The following TOM1 variants were observed in gnomAD, a reference collection of about 807,000 sequenced individuals.
TOM1 encodes target of myb1 membrane trafficking protein.
Under a neutral mutation model 61.3 loss-of-function variants are expected in TOM1, and 38 were observed. That is an observed-to-expected ratio of 0.62 (90% CI 0.48 to 0.81). The LOEUF (loss-of-function observed/expected upper bound fraction) is 0.81, where lower values mean the gene tolerates loss of function less well. TOM1 is among the 40% of genes least tolerant of loss of function. The pLI is 0.00. For missense variants in TOM1, 591 were observed against 659.6 expected (o/e 0.90, Z 1.14); for synonymous variants, 270 against 268.8 (o/e 1.00, Z -0.04).
At chr22:35,315,170 C>T (rs1325862328) in intron 1 of TOM1, among the ~76,000 whole-genome samples, 4 of 151,858 alleles carry the variant, frequency 2.6e-5, no homozygotes, top group Non-Finnish European at 5.9e-5. Flanking sequence ...GGTAGTCTAG[C>T]GGGAGGATGG....
At chr22:35,340,247 G>A (rs1929764355) in intron 12 of TOM1, among the ~76,000 whole-genome samples, 2 of 152,194 alleles carry the variant, frequency 1.3e-5, no homozygotes, top group East Asian at 3.8e-4. Flanking sequence ...GAGGCTAGAG[G>A]AGGCTCAAGG....
Position 35,335,563 on chromosome 22 carries a change from C to A in TOM1, c.1148+1115C>A, listed in dbSNP as rs1405655786. On this transcript the variant is annotated intron_variant, in intron 11 of 14. Transcript: ENST00000449058. ...GGACTTGCAGCCAGACACGCCCATCCACAGAGGCCCCAGCAGGCAACACTG... is the reference window on the plus strand; with the variant it reads ...GGACTTGCAGCCAGACACGCCCATCAACAGAGGCCCCAGCAGGCAACACTG... 1.3e-5 allele frequency: 2 copies of A among 153,118 alleles called. 1 individual carries two copies. Among genetic ancestry groups the A allele is most frequent in the Non-Finnish European group, 2.9e-5 (2 of 68,148 alleles). The allele number at this position is 153,118 out of a possible 1,614,324, so 9.5% of individuals were successfully genotyped here.
chr22:35,330,293 A>C, intron 7 of TOM1, 54 bp from the exon 8 acceptor site: 1 of 1,529,538 alleles, frequency 6.5e-7, no homozygotes, highest in Non-Finnish European at 8.7e-7. Flanking sequence ...AAAAAAAGAG[A>C]CGGCCTCACT....
intron 1 of TOM1, among the ~76,000 whole-genome samples, chr22:35,317,529 A>G (rs1047252574): frequency 2.6e-5 from 4 of 152,328 alleles, no homozygotes; most frequent in Middle Eastern, 3.4e-3. Context: ...TCTTATCTAC[A>G]GAAATGAAGC....
At chr22:35,342,828 C>A (rs115453758) in intron 12 of TOM1, among the ~76,000 whole-genome samples, 17 of 146,012 alleles carry the variant, frequency 1.2e-4, no homozygotes, top group African/African-American at 3.8e-4. Context: ...TACACAGACA[C>A]CCCTACACAC....
At chr22:35,333,689 T>C (rs976307798) in intron 10 of TOM1, among the ~76,000 whole-genome samples, 192 bp downstream of exon 10, 1 of 152,144 alleles carries the variant, frequency 6.6e-6, no homozygotes, top group Admixed American at 6.5e-5. Flanking sequence ...GCCCCACAAG[T>C]CCTGAGCCGC....
intron 10 of TOM1, among the ~76,000 whole-genome samples, chr22:35,333,792 T>G (rs1044668202): frequency 5.3e-5 from 8 of 152,160 alleles, no homozygotes; most frequent in Non-Finnish European, 1.2e-4. Context: ...GGCAAGTTCC[T>G]TAAACCTCCT....
chr22:35,303,789 C>T (rs1206825881), intron 1 of TOM1, among the ~76,000 whole-genome samples: 3 of 152,126 alleles, frequency 2.0e-5, no homozygotes, highest in Non-Finnish European at 2.9e-5. Context: ...TGAGCCACCA[C>T]GCTTGGCTTA....
At chr22:35,312,939 G>A (rs1429300924) in intron 1 of TOM1, among the ~76,000 whole-genome samples, 2 of 152,194 alleles carry the variant, frequency 1.3e-5, no homozygotes, top group African/African-American at 4.8e-5. Context: ...CAGGCCTGGG[G>A]AGGTGGCAGC....
rs533983135 is a variant in TOM1, at chr22:35,310,758, A to T, written c.53-7119A>T. On this transcript the variant is annotated intron_variant, in intron 1 of 14. Coordinates refer to ENST00000449058, the MANE Select transcript of TOM1 (RefSeq NM_005488.3). ...GCAGGTTTATCATGGCCCAGGTCCC[A>T]TCTGGGGTAGACAGTTAGTCCATTT... 5.3e-5 allele frequency among the ~76,000 whole-genome samples: 8 copies of T among 152,348 alleles called. No homozygotes were observed. In the South Asian group the frequency reaches 6.2e-4, roughly 12 times the overall value.
chr22:35,322,060 C>T lies in TOM1; in HGVS notation c.216+23C>T, dbSNP rs747054394. ...ACAGTGAGTGCCCCATCTGTCTGTCCTGTGGCAGGACTACGGTCCACTGAA... is the reference window on the plus strand; with the variant it reads ...ACAGTGAGTGCCCCATCTGTCTGTCTTGTGGCAGGACTACGGTCCACTGAA... On this transcript the variant is annotated intron_variant, in intron 3 of 14. Transcript: ENST00000449058. The T allele has an allele frequency of 5.6e-6, 9 of 1,610,498 alleles. No individual in the cohort carries two copies. In the Admixed American group the frequency reaches 6.7e-5, roughly 12 times the overall value.
In TOM1 at chr22:35,327,258, C is replaced by T; in HGVS notation, c.649-13C>T. ...CCCTGGCTTCTCTCACCACGATCAACTGTGTGTTTCAGATTGGGAAGCTGC... is the reference window on the plus strand; with the variant it reads ...CCCTGGCTTCTCTCACCACGATCAATTGTGTGTTTCAGATTGGGAAGCTGC... On this transcript the variant is annotated splice_polypyrimidine_tract_variant and intron_variant, in intron 6 of 14. Transcript: ENST00000449058. 6.2e-7 allele frequency: 1 copy of T among 1,611,882 alleles called. No individual in the cohort carries two copies. Among genetic ancestry groups the T allele is most frequent in the Non-Finnish European group, 8.5e-7 (1 of 1,178,114 alleles).
At position 35,321,842 on chromosome 22, in the gene TOM1, A is replaced by C. The variant is rs11912519; in HGVS notation, c.138-117A>C. 9,216 of 895,612 alleles carry C rather than the reference A, an allele frequency of 0.01. 593 individuals carry two copies. In the African/African-American group the frequency reaches 0.14, roughly 13 times the overall value. 55.5% of individuals were successfully genotyped at this position (895,612 alleles called of 1,614,324 possible). Reference sequence around the variant, plus strand: ...TGATCAGAACCTGGCTGGATACACAAAACAGGTGGGGCACAGGGAGGATGG... The same window carrying C: ...TGATCAGAACCTGGCTGGATACACACAACAGGTGGGGCACAGGGAGGATGG... On this transcript the variant is annotated intron_variant, in intron 2 of 14. Transcript: ENST00000449058.
At chr22:35,335,728 G>A (rs1929258212) in intron 11 of TOM1, 1 of 154,950 alleles carries the variant, frequency 6.5e-6, no homozygotes, top group South Asian at 2.0e-4. Context: ...AGGGCCTGCA[G>A]TCTCATGGGA....
rs151314362 is a variant in TOM1, at chr22:35,323,876, C to A, written c.610C>A (p.Leu204Ile). Residue 204 changes from leucine (L) to isoleucine (I), a missense_variant, in exon 6 of 15, where the codon CTC becomes ATC. Leu to Ile is a conservative substitution (Grantham distance 5, BLOSUM62 2). Transcript: ENST00000449058. The surrounding 1 kb of genome is among the most constrained non-coding windows in gnomAD (Gnocchi z 4.2). ...HAAPLPAPPI[L>I]SGDTPIAPTP... ...TGCCCCTCTGCCCGCCCCGCCCATA[C>A]TCTCCGGTGACACGCCCATAGCACC... The A allele has an allele frequency of 6.2e-7, 1 of 1,602,794 alleles. No individual in the cohort carries two copies.
rs1927920329 is a variant in TOM1, at chr22:35,322,816, C to A, written c.217-212C>A. Among the ~76,000 whole-genome samples the A allele has an allele frequency of 2.0e-5, 3 of 152,216 alleles. No homozygotes were observed. In the South Asian group the frequency reaches 6.2e-4, roughly 31 times the overall value. On this transcript the variant is annotated intron_variant, in intron 3 of 14. Transcript: ENST00000449058. Reference sequence around the variant, plus strand: ...AAGGAAGTCCAGCCCACACACCATACCTCTGCCCACCCTAGGCCGTGCCCT... The same window carrying A: ...AAGGAAGTCCAGCCCACACACCATAACTCTGCCCACCCTAGGCCGTGCCCT...
chr22:35,347,490 G>T lies in TOM1; in HGVS notation c.*281G>T. On this transcript the variant is annotated 3_prime_UTR_variant, in exon 15 of 15. Coordinates refer to ENST00000449058, the MANE Select transcript of TOM1 (RefSeq NM_005488.3). The stretch of plus-strand genomic sequence containing the variant: ...GCTGAGAAGTGGAGGCCCCAGGACA[G>T]GCTGGCTGGCTGGCTGGCTGCTTGA... The T allele has an allele frequency of 3.4e-6, 1 of 296,258 alleles. No homozygotes were observed. The highest frequency in any genetic ancestry group is 6.3e-6 in the Non-Finnish European group (1 of 159,718). The allele number at this position is 296,258 out of a possible 1,614,324, so 18.4% of individuals were successfully genotyped here.
intron 11 of TOM1, chr22:35,336,728 A>T (rs1929372902): frequency 6.6e-6 from 1 of 152,302 alleles, no homozygotes; most frequent in South Asian, 2.1e-4. Context: ...CCCCACTGGG[A>T]CCACCTAAGG....
chr22:35,299,794 G>T (rs1925539876), upstream of TOM1: 4 of 983,694 alleles, frequency 4.1e-6, no homozygotes, highest in Non-Finnish European at 6.1e-6. Flanking sequence ...GGCGGGGCTT[G>T]TGGTCGAGCT....
Sources: allele counts gnomAD v4.1 joint callset (sites outside exome capture counted in the v4.1 genomes callset), GRCh38; gene constraint gnomAD v4.1.1; non-coding constraint Gnocchi (gnomAD v3.1); transcripts MANE v1.5; gene names NCBI Gene and HGNC (gene_info 2026-07-23, HGNC 2026-07-21).